KCNIP1: variants seen among roughly 807,000 people sequenced by gnomAD.
The protein encoded by KCNIP1 is A-type potassium channel modulatory protein KCNIP1.
In KCNIP1, 18 loss-of-function variants were observed where a neutral mutation model predicts 33.0. That is an observed-to-expected ratio of 0.55 (90% CI 0.38 to 0.81). The LOEUF (loss-of-function observed/expected upper bound fraction) is 0.81, where lower values mean the gene tolerates loss of function less well. Among genes scored for constraint, KCNIP1 ranks in the 30% least tolerant of loss-of-function variants. The probability of loss-of-function intolerance (pLI) is 0.00; values close to 1 mark genes in which losing one functional copy is unlikely to be tolerated. For synonymous variants in KCNIP1, 93 were observed against 98.3 expected, an observed-to-expected ratio of 0.95 and a Z score of 0.32; for missense variants, 238 against 271.6, an observed-to-expected ratio of 0.88 and a Z score of 0.87.
At chr5:170,417,093 C>T (rs893311327) in intron 1 of KCNIP1, among the ~76,000 whole-genome samples, 1 of 152,168 alleles carries the variant, frequency 6.6e-6, no homozygotes, top group Non-Finnish European at 1.5e-5. Flanking sequence ...AGAATCTCCA[C>T]TAAGAGGGGT....
intron 1 of KCNIP1, among the ~76,000 whole-genome samples, chr5:170,359,695 C>T (rs1274426948): frequency 6.6e-6 from 1 of 152,168 alleles, no homozygotes; most frequent in African/African-American, 2.4e-5. Flanking sequence ...CATGTGTTCA[C>T]CTTGGCCCTC....
At chr5:170,611,736 G>A (rs1177941969) in intron 1 of KCNIP1, among the ~76,000 whole-genome samples, 1 of 152,126 alleles carries the variant, frequency 6.6e-6, no homozygotes, top group Non-Finnish European at 1.5e-5. Flanking sequence ...CAGGAACTTT[G>A]GAGTCAGGCC....
At position 170,719,661 on chromosome 5, in the gene KCNIP1, A is replaced by G. The variant is rs3828622; in HGVS notation, c.187-660A>G. Reference sequence around the variant, plus strand: ...CAGTTCCAAACTGACCACAGCCTCAATGTTCTCCAAACTGCTGACCCACAG... The same window carrying G: ...CAGTTCCAAACTGACCACAGCCTCAGTGTTCTCCAAACTGCTGACCCACAG... On this transcript the variant is annotated intron_variant, in intron 2 of 7. Transcript: ENST00000328939. 2.6e-4 allele frequency among the ~76,000 whole-genome samples: 40 copies of G among 152,276 alleles called. No homozygotes were observed. The East Asian group carries it at 6.8e-3, about 26-fold the overall frequency.
intron 1 of KCNIP1, among the ~76,000 whole-genome samples, chr5:170,616,742 T>G (rs879795140): frequency 5.3e-5 from 8 of 152,148 alleles, no homozygotes; most frequent in Non-Finnish European, 1.2e-4. Flanking sequence ...CTTCATCCAG[T>G]TTCTTAAACC....
At chr5:170,616,969 C>T (rs1759399936) in intron 1 of KCNIP1, among the ~76,000 whole-genome samples, 1 of 152,018 alleles carries the variant, frequency 6.6e-6, no homozygotes, top group Non-Finnish European at 1.5e-5. Context: ...TGTTCATCAC[C>T]CCAGTTATGA....
rs890940918 is a variant in KCNIP1 at position 170,669,755 on chromosome 5, A to C, written c.62-49003A>C. The C allele has an allele frequency of 5.3e-6, 3 of 567,442 alleles. No individual in the cohort carries two copies. In the African/African-American group the frequency reaches 6.1e-5, roughly 12 times the overall value. The allele number at this position is 567,442 out of a possible 1,614,324, so 35.2% of individuals were successfully genotyped here. On this transcript the variant is annotated intron_variant, in intron 1 of 7. Coordinates refer to ENST00000328939, the MANE Select transcript of KCNIP1 (RefSeq NM_014592.4). ...AACACTAATGAGATGAGTGGATTACAAAGAGCACACATTTTGAGAAAGTGA... is the reference window on the plus strand; with the variant it reads ...AACACTAATGAGATGAGTGGATTACCAAGAGCACACATTTTGAGAAAGTGA...
intron 1 of KCNIP1, among the ~76,000 whole-genome samples, chr5:170,689,965 C>G (rs1432942591): frequency 6.6e-6 from 1 of 152,100 alleles, no homozygotes; most frequent in Non-Finnish European, 1.5e-5. Context: ...AACCTAAAAC[C>G]CTTCTTTTGT....
chr5:170,521,600 A>G (rs543352148), intron 1 of KCNIP1, among the ~76,000 whole-genome samples: 1 of 152,336 alleles, frequency 6.6e-6, no homozygotes, highest in East Asian at 1.9e-4. Context: ...GACAAGGGGA[A>G]TCAAAGTTAG....
rs567197026 is a variant in KCNIP1 at position 170,629,073 on chromosome 5, G to A, written c.62-89685G>A. On this transcript the variant is annotated intron_variant, in intron 1 of 7. Transcript: ENST00000328939. ...TCCTCCCGCCCTCCACTCCCACCTC[G>A]CACATCTATGGATTTGCTGTTCAGA... Among the ~76,000 whole-genome samples, 10 of 152,208 alleles carry A rather than the reference G, an allele frequency of 6.6e-5. No individual in the cohort carries two copies. In the East Asian group the frequency reaches 7.7e-4, roughly 12 times the overall value.
chr5:170,496,485 A>C (rs1034867097), intron 1 of KCNIP1, among the ~76,000 whole-genome samples: 1 of 152,192 alleles, frequency 6.6e-6, no homozygotes, highest in Non-Finnish European at 1.5e-5. Flanking sequence ...TCATCTATAA[A>C]ACAGGAAACA....
chr5:170,672,349 C>G (rs1342380293), intron 1 of KCNIP1, among the ~76,000 whole-genome samples: 2 of 152,210 alleles, frequency 1.3e-5, no homozygotes, highest in African/African-American at 4.8e-5. Flanking sequence ...AGAACTCCCT[C>G]TCGAAGGGGT....
At chr5:170,473,592 T>C (rs1756784499) in intron 1 of KCNIP1, among the ~76,000 whole-genome samples, 1 of 152,054 alleles carries the variant, frequency 6.6e-6, no homozygotes, top group African/African-American at 2.4e-5. Flanking sequence ...AAAGCAGAGG[T>C]TCGGCTGAGC....
chr5:170,378,411 G>A (rs1764092908), intron 1 of KCNIP1: 1 of 350,490 alleles, frequency 2.9e-6, no homozygotes, highest in East Asian at 4.9e-5. Flanking sequence ...GGCACATAGT[G>A]ATGCAGCCGG....
At chr5:170,493,170 T>C (rs985208438) in intron 1 of KCNIP1, among the ~76,000 whole-genome samples, 1 of 152,220 alleles carries the variant, frequency 6.6e-6, no homozygotes, top group African/African-American at 2.4e-5. Context: ...GTTTACTATC[T>C]GTATCTGTAT....
intron 1 of KCNIP1, among the ~76,000 whole-genome samples, chr5:170,583,198 C>G (rs543838796): frequency 2.0e-5 from 3 of 152,306 alleles, no homozygotes; most frequent in African/African-American, 7.2e-5. Flanking sequence ...GCCTGTTTTT[C>G]ACTTGCATTC....
chr5:170,688,509 C>T (rs987912355), intron 1 of KCNIP1, among the ~76,000 whole-genome samples: 4 of 152,146 alleles, frequency 2.6e-5, no homozygotes, highest in Non-Finnish European at 5.9e-5. Context: ...GGGATGCCAG[C>T]GCAGCCATGC....
At chr5:170,614,683 G>T (rs959215779) in intron 1 of KCNIP1, among the ~76,000 whole-genome samples, 10 of 152,176 alleles carry the variant, frequency 6.6e-5, no homozygotes, top group African/African-American at 2.4e-4. Context: ...ATCAGATTTG[G>T]AGGGAGAGAA....
chr5:170,426,636 G>A (rs1276507505), intron 1 of KCNIP1, among the ~76,000 whole-genome samples: 2 of 152,264 alleles, frequency 1.3e-5, no homozygotes, highest in Admixed American at 6.5e-5. Context: ...TGCACACAGA[G>A]GCTTAACACA....
chr5:170,644,934 C>G (rs1351904773), intron 1 of KCNIP1, among the ~76,000 whole-genome samples: 1 of 152,228 alleles, frequency 6.6e-6, no homozygotes, highest in Non-Finnish European at 1.5e-5. Context: ...CTGCTCAGCT[C>G]TTTCAGGAAG....
Sources: gnomAD v4.1 joint callset for allele counts (sites outside exome capture counted in the v4.1 genomes callset) on GRCh38, gnomAD v4.1.1 for gene constraint, MANE v1.5 for transcripts, NCBI Gene and HGNC (gene_info 2026-07-23, HGNC 2026-07-21) for gene names.